The following CLNK variants were observed in gnomAD, a reference collection of about 807,000 sequenced individuals.
The protein encoded by CLNK is cytokine dependent hematopoietic cell linker, also known as cytokine-dependent hematopoietic cell linker.
In CLNK, 74 loss-of-function variants were observed where a neutral mutation model predicts 68.6. The observed-to-expected ratio is 1.08, with a 90% CI of 0.89 to 1.31. The LOEUF is 1.31. Among genes scored for constraint, CLNK ranks in the 50% most tolerant of loss-of-function variants. The pLI is 0.00. For missense variants in CLNK, 553 were observed against 515.3 expected, an observed-to-expected ratio of 1.07 and a Z score of -0.71; for synonymous variants, 198 against 172.2, an observed-to-expected ratio of 1.15 and a Z score of -1.17.
chr4:10,685,661 ACT>A (rs1725244499), upstream of CLNK, among the ~76,000 whole-genome samples: 1 of 152,166 alleles, frequency 6.6e-6, no homozygotes, highest in Non-Finnish European at 1.5e-5. Flanking sequence ...TGGGTAAATA[ACT>A]CTGGTTTTGA....
chr4:10,570,568 T>G (rs1404054888), intron 5 of CLNK, among the ~76,000 whole-genome samples: 1 of 152,214 alleles, frequency 6.6e-6, no homozygotes, highest in Non-Finnish European at 1.5e-5. Context: ...TGCATGTGTG[T>G]GTATGTATAT....
chr4:10,506,355 G>A (rs1717293318), intron 17 of CLNK, among the ~76,000 whole-genome samples: 1 of 152,178 alleles, frequency 6.6e-6, no homozygotes, highest in Non-Finnish European at 1.5e-5. Context: ...GAAGGTAGAA[G>A]CACACCAGTG....
chr4:10,600,165 C>T (rs537892058), intron 2 of CLNK, among the ~76,000 whole-genome samples: 1 of 152,176 alleles, frequency 6.6e-6, no homozygotes, highest in South Asian at 2.1e-4. Context: ...TCTTAATGCT[C>T]CCATATCATT....
intron 4 of CLNK, among the ~76,000 whole-genome samples, chr4:10,583,484 A>G (rs2108836045): frequency 6.6e-6 from 1 of 152,044 alleles, no homozygotes; most frequent in South Asian, 2.1e-4. Flanking sequence ...ATAGTGTTTC[A>G]CCATATTGGC....
chr4:10,656,684 C>CA (rs1321104337), intron 2 of CLNK: 1 of 152,104 alleles, frequency 6.6e-6, no homozygotes, highest in Admixed American at 6.5e-5. Context: ...CGCTGAGTCT[C>CA]AGAAATTTCA....
chr4:10,522,326 C>T (rs1386963731), intron 14 of CLNK, among the ~76,000 whole-genome samples: 3 of 149,066 alleles, frequency 2.0e-5, no homozygotes, highest in African/African-American at 7.4e-5. Flanking sequence ...GTAATCCCAA[C>T]ACTTTGGGAG....
chr4:10,726,530 A>G, the CLNK span, among the ~76,000 whole-genome samples: 2 of 152,260 alleles, frequency 1.3e-5, no homozygotes, highest in South Asian at 4.1e-4. Flanking sequence ...TACATCTGCA[A>G]TTGCTCTGTT....
Position 10,542,272 on chromosome 4 carries a change from A to G in CLNK, c.454T>C (p.Ser152Pro). Residue 152 changes from serine to proline, a missense_variant, in exon 9 of 19, where the codon TCC becomes CCC. Ser to Pro is a moderately conservative substitution (Grantham distance 74, BLOSUM62 -1). Coordinates refer to ENST00000226951, the MANE Select transcript of CLNK (RefSeq NM_052964.4). ...TCTCTTACCTTGTTCTTTCTTACGGATGCATCTCCTAAAACATAAGAGGGA... is the reference window on the plus strand; with the variant it reads ...TCTCTTACCTTGTTCTTTCTTACGGGTGCATCTCCTAAAACATAAGAGGGA... ...VRSQNIKGDA[S>P]VRKNKIPLPP... The G allele has an allele frequency of 6.5e-7, 1 of 1,537,378 alleles. No individual in the cohort carries two copies. The highest frequency in any genetic ancestry group is 8.9e-7 in the Non-Finnish European group (1 of 1,125,352).
intron 2 of CLNK, among the ~76,000 whole-genome samples, chr4:10,618,392 T>C (rs1399028019): frequency 6.6e-6 from 1 of 152,124 alleles, no homozygotes; most frequent in Non-Finnish European, 1.5e-5. Context: ...CAACCATAAA[T>C]GGGTATAAGA....
chr4:10,571,861 C>G, intron 4 of CLNK, 83 bp from the exon 5 acceptor site: 1 of 1,084,186 alleles, frequency 9.2e-7, no homozygotes, highest in African/African-American at 1.6e-5. Flanking sequence ...TGTTTTTCTC[C>G]AGAAATCTTT....
intron 2 of CLNK, among the ~76,000 whole-genome samples, chr4:10,614,614 A>G (rs1054460458): frequency 6.6e-6 from 1 of 152,066 alleles, no homozygotes; most frequent in Non-Finnish European, 1.5e-5. Flanking sequence ...CCCAGACACC[A>G]CCCCAGCCCC....
At chr4:10,699,310 C>CGTGT in the CLNK span, among the ~76,000 whole-genome samples, 25,329 of 33,788 alleles carry the variant, frequency 0.75, 10,933 homozygotes, top group Admixed American at 0.85. Context: ...ACACCACATA[C>CGTGT]GTGTATACAC....
At chr4:10,600,921 A>G (rs777523022) in intron 2 of CLNK, among the ~76,000 whole-genome samples, 33 of 152,202 alleles carry the variant, frequency 2.2e-4, no homozygotes, top group Non-Finnish European at 3.7e-4. Flanking sequence ...GATGGGATAG[A>G]GTCTGAGAGT....
chr4:10,539,284 G>C (rs1316969245), intron 11 of CLNK, among the ~76,000 whole-genome samples: 1 of 152,160 alleles, frequency 6.6e-6, no homozygotes, highest in African/African-American at 2.4e-5. Flanking sequence ...CTTGTGTGGG[G>C]CTGTAATGGA....
chr4:10,690,228 G>A, the CLNK span, among the ~76,000 whole-genome samples: 1 of 152,110 alleles, frequency 6.6e-6, no homozygotes, highest in Non-Finnish European at 1.5e-5. Context: ...TCTCTAGCAA[G>A]GCCCTGCTTC....
chr4:10,557,032 C>T (rs181351777), intron 8 of CLNK, among the ~76,000 whole-genome samples: 4 of 151,706 alleles, frequency 2.6e-5, no homozygotes, highest in East Asian at 1.9e-4. Context: ...GCCAAGATCA[C>T]GCCACTGCAC....
At chr4:10,646,728 G>A (rs915282526) in intron 2 of CLNK, among the ~76,000 whole-genome samples, 1 of 151,968 alleles carries the variant, frequency 6.6e-6, no homozygotes, top group Non-Finnish European at 1.5e-5. Context: ...CATAATCATG[G>A]GTAAATGTAA....
chr4:10,622,611 A>G (rs1655200342), intron 2 of CLNK, among the ~76,000 whole-genome samples: 1 of 152,256 alleles, frequency 6.6e-6, no homozygotes, highest in South Asian at 2.1e-4. Context: ...TAATTTTGGT[A>G]TTAAAACTTG....
At chr4:10,572,824 G>C (rs1184589526) in intron 4 of CLNK, among the ~76,000 whole-genome samples, 1 of 151,948 alleles carries the variant, frequency 6.6e-6, no homozygotes, top group African/African-American at 2.4e-5. Context: ...GTTTTGTTTT[G>C]TTTTGTTTTT....
Sources: gnomAD v4.1 joint callset for allele counts (sites outside exome capture counted in the v4.1 genomes callset) on GRCh38, gnomAD v4.1.1 for gene constraint, MANE v1.5 for transcripts, NCBI Gene and HGNC (gene_info 2026-07-23, HGNC 2026-07-21) for gene names.